CBLB: variants seen among roughly 807,000 people sequenced by gnomAD.
The protein encoded by CBLB is Cbl proto-oncogene B.
CBLB carries 31 observed loss-of-function variants against 104.9 expected under a neutral mutation model. The ratio of observed to expected loss-of-function variants is 0.30; its 90% CI spans 0.22 to 0.40. CBLB has a LOEUF of 0.40. CBLB is among the 10% of genes least tolerant of loss of function. CBLB has a pLI of 1.00. For missense variants in CBLB, 1,062 were observed against 1,214.6 expected, an observed-to-expected ratio of 0.87 and a Z score of 1.87; for synonymous variants, 440 against 422.6, an observed-to-expected ratio of 1.04 and a Z score of -0.51.
chr3:105,719,807 T>A (rs1021610776), intron 10 of CBLB, among the ~76,000 whole-genome samples: 1 of 152,148 alleles, frequency 6.6e-6, no homozygotes, highest in African/African-American at 2.4e-5. Context: ...GAAGGCGTTG[T>A]TATCATAGGA....
At chr3:105,828,585 CT>C (rs1333493890) in intron 3 of CBLB, among the ~76,000 whole-genome samples, 10 of 152,020 alleles carry the variant, frequency 6.6e-5, no homozygotes, top group Non-Finnish European at 1.5e-5. Context: ...AAATAAGTAT[CT>C]TTTCAAATTT....
intron 5 of CBLB, among the ~76,000 whole-genome samples, chr3:105,748,978 T>C (rs192722822): frequency 3.7e-4 from 57 of 152,292 alleles, no homozygotes; most frequent in Admixed American, 3.7e-3. Context: ...TGGCTATAGC[T>C]GAATGTATGT....
intron 18 of CBLB, among the ~76,000 whole-genome samples, chr3:105,661,235 ATATCTGTACTGTTTC>A (rs1259964652): frequency 1.3e-5 from 2 of 152,206 alleles, no homozygotes; most frequent in African/African-American, 4.8e-5. Flanking sequence ...GTTCTTGCTA[ATATCTGTACTGTTTC>A]TTGCATCTGT....
intron 2 of CBLB, among the ~76,000 whole-genome samples, chr3:105,863,104 C>T (rs1560582436): frequency 4.6e-5 from 7 of 152,268 alleles, no homozygotes; most frequent in Middle Eastern, 3.4e-3. Context: ...AATCTCAATG[C>T]TAAAAATTCT....
intron 2 of CBLB, among the ~76,000 whole-genome samples, chr3:105,866,988 T>C (rs2092462599): frequency 6.6e-6 from 1 of 152,200 alleles, no homozygotes; most frequent in South Asian, 2.1e-4. Flanking sequence ...TCTGTTTCTT[T>C]CCCCAGTAAA....
intron 12 of CBLB, among the ~76,000 whole-genome samples, chr3:105,700,746 T>G (rs2068978448): frequency 6.6e-6 from 1 of 152,166 alleles, no homozygotes; most frequent in South Asian, 2.1e-4. Flanking sequence ...ACTCCTTGCC[T>G]TTGGTTTTGA....
intron 3 of CBLB, among the ~76,000 whole-genome samples, chr3:105,852,449 T>C (rs1241024018): frequency 6.6e-6 from 1 of 152,070 alleles, no homozygotes; most frequent in East Asian, 1.9e-4. Context: ...TAGGGTAATA[T>C]AGAAAGAAAA....
rs567871018 is a variant in CBLB, at chr3:105,668,922, A to T, written c.2689+1311T>A. ...TGAACTGAGGTTTTAGCTTAAAAAA[A>T]TTTTGAAATAAGACAAAAGTTCATA... On this transcript the variant is annotated intron_variant, in intron 18 of 18. Coordinates refer to ENST00000394030, the MANE Select transcript of CBLB (RefSeq NM_170662.5). 2.0e-5 allele frequency among the ~76,000 whole-genome samples: 3 copies of T among 152,344 alleles called. No individual in the cohort carries two copies. The East Asian group carries it at 5.8e-4, about 29-fold the overall frequency.
chr3:105,734,237 A>C, intron 8 of CBLB, 97 bp from the exon 9 acceptor site: 1 of 1,193,496 alleles, frequency 8.4e-7, no homozygotes, highest in South Asian at 1.2e-5. Flanking sequence ...CACAGTCAAT[A>C]TCTCACAATT....
intron 3 of CBLB, among the ~76,000 whole-genome samples, chr3:105,812,053 C>T (rs1402780245): frequency 1.3e-5 from 2 of 151,966 alleles, no homozygotes; most frequent in Admixed American, 6.6e-5. Context: ...TCTCCCTTCC[C>T]TTCTTGTTTG....
intron 3 of CBLB, among the ~76,000 whole-genome samples, chr3:105,825,610 G>A (rs2086462752): frequency 6.6e-6 from 1 of 152,090 alleles, no homozygotes; most frequent in Non-Finnish European, 1.5e-5. Context: ...ATAAATTAAT[G>A]AATAAAAATT....
At chr3:105,770,671 T>C (rs1159112657) in intron 4 of CBLB, among the ~76,000 whole-genome samples, 1 of 152,126 alleles carries the variant, frequency 6.6e-6, no homozygotes, top group Non-Finnish European at 1.5e-5. Context: ...TGCCTGGCCA[T>C]GCCTGGGAAG....
At chr3:105,827,501 T>C (rs2086774786) in intron 3 of CBLB, among the ~76,000 whole-genome samples, 1 of 152,032 alleles carries the variant, frequency 6.6e-6, no homozygotes, top group Non-Finnish European at 1.5e-5. Context: ...TATGTGTGTG[T>C]GTGTGTGTTC....
chr3:105,829,703 C>CAAAAAAAAAAAAAAAAAAA (rs1553844797), intron 3 of CBLB, among the ~76,000 whole-genome samples: 1 of 60,104 alleles, frequency 1.7e-5, no homozygotes. Context: ...AAAAAAAAAC[C>CAAAAAAAAAAAAAAAAAAA]AAACTGCAGC....
chr3:105,672,917 A>G (rs928831492), intron 17 of CBLB: 7 of 151,954 alleles, frequency 4.6e-5, no homozygotes, highest in Non-Finnish European at 1.0e-4. Flanking sequence ...TTAACTGGAA[A>G]ATGGTTATAA....
At chr3:105,737,087 T>G in intron 8 of CBLB, 84 bp downstream of exon 8, 1 of 630,474 alleles carries the variant, frequency 1.6e-6, no homozygotes, top group Non-Finnish European at 2.8e-6. Context: ...TGTGCATGAT[T>G]TTAACTACAC....
rs574126163 is a variant in CBLB at position 105,859,790 on chromosome 3, T to G, written c.169-6126A>C. Reference sequence around the variant, plus strand: ...TAATAACAGGTACCGAAGAGTTCTTTGGGTTCTTTCCATTTTAATGCAGCA... The same window carrying G: ...TAATAACAGGTACCGAAGAGTTCTTGGGGTTCTTTCCATTTTAATGCAGCA... On this transcript the variant is annotated intron_variant, in intron 2 of 18. Coordinates refer to ENST00000394030, the MANE Select transcript of CBLB (RefSeq NM_170662.5). Among the ~76,000 whole-genome samples, 970 of 152,082 alleles carry G rather than the reference T, an allele frequency of 6.4e-3. 6 individuals are homozygous for G. The highest frequency in any genetic ancestry group is 8.8e-3 in the Non-Finnish European group (597 of 67,976).
intron 3 of CBLB, among the ~76,000 whole-genome samples, chr3:105,792,497 C>T (rs921733678): frequency 2.6e-5 from 4 of 152,172 alleles, no homozygotes; most frequent in Admixed American, 2.6e-4. Context: ...AAGTACTCAT[C>T]CCCTAGTCTT....
intron 12 of CBLB, among the ~76,000 whole-genome samples, chr3:105,694,577 T>G (rs775905256): frequency 2.0e-5 from 3 of 151,900 alleles, no homozygotes; most frequent in Non-Finnish European, 4.4e-5. Flanking sequence ...ATCATATTTC[T>G]AAAATGATGT....
Sources: allele counts gnomAD v4.1 joint callset (sites outside exome capture counted in the v4.1 genomes callset), GRCh38; gene constraint gnomAD v4.1.1; transcripts MANE v1.5; gene names NCBI Gene and HGNC (gene_info 2026-07-23, HGNC 2026-07-21).